CTNND2: variants seen among roughly 807,000 people sequenced by gnomAD.
CTNND2 encodes catenin delta 2, also known as catenin delta-2.
CTNND2 carries 22 observed loss-of-function variants against 144.4 expected under a neutral mutation model. That is an observed-to-expected ratio of 0.15 (90% confidence interval 0.11 to 0.22). The LOEUF is 0.22. Ranked by LOEUF, CTNND2 falls within the 10% of genes least tolerant of loss-of-function variation. The probability of loss-of-function intolerance (pLI) is 1.00; values close to 1 mark genes in which losing one functional copy is unlikely to be tolerated. For missense variants in CTNND2, 1,353 were observed against 1,618.8 expected (o/e 0.84, Z 2.82); for synonymous variants, 751 against 695.6 (o/e 1.08, Z -1.25).
chr5:11,082,596 T>C (rs1352166383), intron 16 of CTNND2, 100 bp downstream of exon 16: 7 of 1,336,984 alleles, frequency 5.2e-6, no homozygotes, highest in Admixed American at 2.2e-5. Flanking sequence ...GCACGGCTTC[T>C]GTGTAAGCAT....
intron 3 of CTNND2, among the ~76,000 whole-genome samples, chr5:11,533,156 A>G (rs538567367): frequency 2.0e-5 from 3 of 152,348 alleles, no homozygotes; most frequent in African/African-American, 7.2e-5. Flanking sequence ...TCATATGCAT[A>G]AAAGGTCAGC....
At chr5:11,105,757 C>T (rs889227956) in intron 14 of CTNND2, among the ~76,000 whole-genome samples, 4 of 152,118 alleles carry the variant, frequency 2.6e-5, no homozygotes, top group East Asian at 1.9e-4. Context: ...AGAGTTGCTG[C>T]GCAAAAATGC....
chr5:10,973,731 G>A lies in CTNND2; in HGVS notation c.3418-18C>T. 1 of 1,573,648 alleles carries A rather than the reference G, an allele frequency of 6.4e-7. No individual in the cohort carries two copies. Among genetic ancestry groups the A allele is most frequent in the Admixed American group, 1.8e-5 (1 of 56,050 alleles). On this transcript the variant is annotated intron_variant, in intron 21 of 21. Coordinates refer to ENST00000304623, the MANE Select transcript of CTNND2 (RefSeq NM_001332.4). This position sits in a 1 kb window ranked among gnomAD's most constrained non-coding sequence, Gnocchi z 5.6. ...GCTGAAACCTAAACGGGAAAGAAGAGCCACACTGGGTTACTTGGTTTCCCT... is the reference window on the plus strand; with the variant it reads ...GCTGAAACCTAAACGGGAAAGAAGAACCACACTGGGTTACTTGGTTTCCCT...
intron 3 of CTNND2, among the ~76,000 whole-genome samples, chr5:11,508,700 T>A (rs1455040903): frequency 6.6e-6 from 1 of 152,060 alleles, no homozygotes; most frequent in African/African-American, 2.4e-5. Context: ...TCACCTGAGA[T>A]CATGAGTTCC....
At chr5:11,348,581 C>G (rs1009229276) in intron 8 of CTNND2, among the ~76,000 whole-genome samples, 1 of 151,750 alleles carries the variant, frequency 6.6e-6, no homozygotes, top group Non-Finnish European at 1.5e-5. Context: ...GTTTTCTATG[C>G]AAAATCATTT....
intron 9 of CTNND2, among the ~76,000 whole-genome samples, chr5:11,253,199 T>C (rs1215481204): frequency 1.3e-5 from 2 of 152,202 alleles, no homozygotes; most frequent in Non-Finnish European, 2.9e-5. Context: ...TGTCTCTAAA[T>C]TTTACTTGGC....
chr5:11,069,715 A>T (rs1202842813), intron 16 of CTNND2, among the ~76,000 whole-genome samples: 1 of 152,134 alleles, frequency 6.6e-6, no homozygotes, highest in Non-Finnish European at 1.5e-5. Context: ...GAAGAGACAG[A>T]GAGACAGAGA....
intron 9 of CTNND2, among the ~76,000 whole-genome samples, chr5:11,310,467 G>C (rs545738118): frequency 3.6e-4 from 55 of 151,928 alleles, no homozygotes; most frequent in African/African-American, 1.2e-3. Context: ...CATCTTTTGC[G>C]ACAGCTCACA....
chr5:11,019,709 TTG>T (rs1742037630), intron 17 of CTNND2, among the ~76,000 whole-genome samples: 1 of 152,206 alleles, frequency 6.6e-6, no homozygotes, highest in South Asian at 2.1e-4. Context: ...GCTTGGACAA[TTG>T]TGTGTTTCTA....
intron 3 of CTNND2, among the ~76,000 whole-genome samples, chr5:11,478,197 C>T (rs1378853664): frequency 6.6e-6 from 1 of 152,172 alleles, no homozygotes; most frequent in African/African-American, 2.4e-5. Context: ...CTATGGGAGA[C>T]AGCAATTCGT....
chr5:10,990,754 C>T lies in CTNND2; in HGVS notation c.3211+1797G>A, dbSNP rs560419425. Among the ~76,000 whole-genome samples the T allele has an allele frequency of 2.2e-4, 34 of 152,250 alleles. No individual in the cohort carries two copies. In the South Asian group the frequency reaches 3.3e-3, roughly 15 times the overall value. On this transcript the variant is annotated intron_variant, in intron 19 of 21. Transcript: ENST00000304623. ...TTAAGTTCTGGGAAAAATCAAATCA[C>T]GCAAACAAGTGTTTATTAGGTGTCT... is the stretch of plus-strand genomic sequence containing the variant.
At chr5:11,464,962 G>C (rs951067125) in intron 3 of CTNND2, among the ~76,000 whole-genome samples, 1 of 152,026 alleles carries the variant, frequency 6.6e-6, no homozygotes, top group Non-Finnish European at 1.5e-5. Context: ...TGTGAGTATG[G>C]GCTGAGATCC....
intron 12 of CTNND2, among the ~76,000 whole-genome samples, chr5:11,134,736 C>T (rs1477269767): frequency 6.6e-6 from 1 of 152,166 alleles, no homozygotes; most frequent in Middle Eastern, 3.2e-3. Context: ...GAGTTTCTCA[C>T]CAACTCTAGG....
chr5:11,384,970 G>C lies in CTNND2; in HGVS notation c.872C>G (p.Thr291Ser), dbSNP rs1210898580. The change falls in exon 7 of 22, where the codon ACC becomes AGC. Residue 291 changes from threonine (T) to serine (S), a missense_variant. Physicochemically the swap from Thr to Ser is moderately conservative, Grantham distance 58. This residue lies in a region of CTNND2 where 708 missense variants were observed against 706.4 expected (regional missense o/e 1.00). Transcript: ENST00000304623. This position sits in a 1 kb window ranked among gnomAD's most constrained non-coding sequence, Gnocchi z 5.2. ...CGAGGAGCCGCGCGGCGCGGCGTAG[G>C]TGGCGCCCTCGGGGGCCGAGCCGCC... is the stretch of plus-strand genomic sequence containing the variant. Reference protein sequence around the residue: ...QRGGSAPEGATYAAPRGSSPK... With the variant: ...QRGGSAPEGASYAAPRGSSPK... The C allele has an allele frequency of 3.9e-6, 6 of 1,549,560 alleles. No homozygotes were observed. The African/African-American group carries it at 5.5e-5, about 14-fold the overall frequency.
intron 15 of CTNND2, among the ~76,000 whole-genome samples, chr5:11,093,770 G>C (rs1751030952): frequency 6.6e-6 from 1 of 152,088 alleles, no homozygotes; most frequent in African/African-American, 2.4e-5. Context: ...GATTTCAGAT[G>C]GTAACACTAT....
chr5:11,402,077 A>C (rs925795197), intron 5 of CTNND2, among the ~76,000 whole-genome samples: 7 of 152,178 alleles, frequency 4.6e-5, no homozygotes, highest in African/African-American at 1.7e-4. Context: ...TTCATCTTAC[A>C]AACAAAACAT....
At chr5:11,292,500 G>A (rs931626405) in intron 9 of CTNND2, among the ~76,000 whole-genome samples, 39 of 152,228 alleles carry the variant, frequency 2.6e-4, no homozygotes, top group East Asian at 9.7e-4. Flanking sequence ...TGGATCATGG[G>A]GGTGGTTTCT....
intron 9 of CTNND2, among the ~76,000 whole-genome samples, chr5:11,290,989 A>T (rs1748284965): frequency 6.6e-6 from 1 of 152,138 alleles, no homozygotes; most frequent in African/African-American, 2.4e-5. Context: ...GTCTTCATAG[A>T]GGAAATCATG....
chr5:11,460,791 C>T (rs1766137649), intron 3 of CTNND2, among the ~76,000 whole-genome samples: 1 of 152,086 alleles, frequency 6.6e-6, no homozygotes, highest in African/African-American at 2.4e-5. Context: ...GTGGCTCATG[C>T]CTGTAATCTC....
Sources: allele counts gnomAD v4.1 joint callset (sites outside exome capture counted in the v4.1 genomes callset), GRCh38; gene constraint gnomAD v4.1.1; regional missense constraint gnomAD v4.1.1; non-coding constraint Gnocchi (gnomAD v3.1); transcripts MANE v1.5; gene names NCBI Gene and HGNC (gene_info 2026-07-23, HGNC 2026-07-21).